Variants in ATP1B1 observed in about 807,000 individuals in gnomAD.
ATP1B1 encodes the protein sodium/potassium-transporting ATPase subunit beta-1.
ATP1B1 carries 3 observed loss-of-function variants against 39.6 expected under a neutral mutation model. That is an observed-to-expected ratio of 0.08 (90% CI 0.03 to 0.20). The LOEUF (loss-of-function observed/expected upper bound fraction) is 0.20, where lower values mean the gene tolerates loss of function less well. Ranked by LOEUF, ATP1B1 falls within the 10% of genes least tolerant of loss-of-function variation. The pLI is 1.00. For synonymous variants in ATP1B1, 139 were observed against 135.0 expected (o/e 1.03, Z -0.20); for missense variants, 216 against 371.1 (o/e 0.58, Z 3.43).
chr1:169,130,629 A>G (rs1241556371), intron 5 of ATP1B1, among the ~76,000 whole-genome samples: 2 of 151,994 alleles, frequency 1.3e-5, no homozygotes, highest in African/African-American at 2.4e-5. Flanking sequence ...TCTACTACAC[A>G]TACAAAAATT....
intron 2 of ATP1B1, among the ~76,000 whole-genome samples, chr1:169,114,685 G>A (rs927145405): frequency 1.3e-5 from 2 of 152,186 alleles, no homozygotes; most frequent in African/African-American, 4.8e-5. Context: ...ACAGCTTCTT[G>A]GCCCTGAACA....
chr1:169,107,087 A>G (rs1045006243), intron 1 of ATP1B1, among the ~76,000 whole-genome samples, 161 bp downstream of exon 1: 14 of 152,268 alleles, frequency 9.2e-5, no homozygotes, highest in African/African-American at 3.4e-4. Flanking sequence ...CTGGGCTTGC[A>G]GTCCTGTGCG....
intron 3 of ATP1B1, among the ~76,000 whole-genome samples, 165 bp downstream of exon 3, chr1:169,125,204 A>G (rs1658061702): frequency 1.3e-5 from 2 of 152,346 alleles, no homozygotes; most frequent in Middle Eastern, 6.8e-3. Context: ...GGAAGACACA[A>G]TGAAAAACAG....
rs1557946029 is a variant in ATP1B1, at chr1:169,108,511, CAG to C, written c.97+1586_97+1587del. Among the ~76,000 whole-genome samples the C allele has an allele frequency of 1.1e-4, 17 of 152,292 alleles. No individual in the cohort carries two copies. The South Asian group carries it at 3.3e-3, about 30-fold the overall frequency. On this transcript the variant is annotated intron_variant, in intron 1 of 5. Transcript: ENST00000367815. Reference sequence around the variant, plus strand: ...CTGGTGGTCTGACCCTGCTGCGTCACAGGGGCAGGGGCTGCATTGACTCTAGG... The same window carrying C: ...CTGGTGGTCTGACCCTGCTGCGTCACGGGCAGGGGCTGCATTGACTCTAGG...
intron 2 of ATP1B1, among the ~76,000 whole-genome samples, chr1:169,121,200 T>C (rs1288270954): frequency 1.3e-5 from 2 of 152,106 alleles, no homozygotes; most frequent in Non-Finnish European, 2.9e-5. Context: ...ACCCAACTCA[T>C]CCTCCCAAAG....
At chr1:169,128,792 A>G (rs2101793400) in intron 4 of ATP1B1, among the ~76,000 whole-genome samples, 1 of 152,358 alleles carries the variant, frequency 6.6e-6, no homozygotes, top group South Asian at 2.1e-4. Context: ...TGGACCCCAC[A>G]GAGGCAGTCT....
intron 2 of ATP1B1, among the ~76,000 whole-genome samples, chr1:169,122,369 G>A (rs927744671): frequency 3.9e-5 from 6 of 152,076 alleles, no homozygotes; most frequent in Non-Finnish European, 5.9e-5. Flanking sequence ...CTCCCTACCC[G>A]ACTTCCCCAT....
chr1:169,121,601 G>A (rs1201117616), intron 2 of ATP1B1, among the ~76,000 whole-genome samples: 2 of 152,162 alleles, frequency 1.3e-5, no homozygotes, highest in East Asian at 3.8e-4. Context: ...GGAACCTTGA[G>A]CAGCCACTGG....
chr1:169,132,103 C>CT lies in ATP1B1; in HGVS notation c.*552dup, dbSNP rs1481879725. 12 of 385,614 alleles carry CT rather than the reference C, an allele frequency of 3.1e-5. No homozygotes were observed. In the Admixed American group the frequency reaches 3.9e-4, roughly 12 times the overall value. The allele number at this position is 385,614 out of a possible 1,614,324, so 23.9% of individuals were successfully genotyped here. A position where few individuals can be genotyped will look rare whatever the true frequency, so the allele number is the denominator to read the frequency against. On this transcript the variant is annotated 3_prime_UTR_variant, in exon 6 of 6. Transcript: ENST00000367815. ...GAGCATTTTTAACATACTCCATAGT[C>CT]TTTTCCTGTGGTGTTAGGTCTTTAT...
Position 169,110,530 on chromosome 1 carries a change from A to G in ATP1B1, c.98-840A>G, listed in dbSNP as rs1031925888. ...GGGAGATAATCCTTGTAAACCAGTAACTGATAGCCACCCTCATTCCCATCT... is the reference window on the plus strand; with the variant it reads ...GGGAGATAATCCTTGTAAACCAGTAGCTGATAGCCACCCTCATTCCCATCT... On this transcript the variant is annotated intron_variant, in intron 1 of 5. Coordinates refer to ENST00000367815, the MANE Select transcript of ATP1B1 (RefSeq NM_001677.4). 3.9e-6 allele frequency: 3 copies of G among 761,768 alleles called. No homozygotes were observed. The African/African-American group carries it at 5.7e-5, about 14-fold the overall frequency. The allele number at this position is 761,768 out of a possible 1,614,324, so 47.2% of individuals were successfully genotyped here.
chr1:169,114,415 T>C (rs971494760), intron 2 of ATP1B1, among the ~76,000 whole-genome samples: 6 of 152,216 alleles, frequency 3.9e-5, no homozygotes, highest in Non-Finnish European at 8.8e-5. Context: ...AATAATATTA[T>C]CAGCTGAATT....
intron 2 of ATP1B1, among the ~76,000 whole-genome samples, chr1:169,117,168 G>A (rs986567653): frequency 6.6e-6 from 1 of 152,162 alleles, no homozygotes; most frequent in Admixed American, 6.5e-5. Flanking sequence ...CGATGTATCT[G>A]TATACACCCA....
intron 2 of ATP1B1, among the ~76,000 whole-genome samples, chr1:169,124,063 A>G (rs1571225788): frequency 6.6e-6 from 1 of 152,376 alleles, no homozygotes; most frequent in East Asian, 1.9e-4. Flanking sequence ...CAGTCCTACA[A>G]TAAAATGCAG....
At chr1:169,116,207 G>A (rs929591211) in intron 2 of ATP1B1, among the ~76,000 whole-genome samples, 1 of 152,186 alleles carries the variant, frequency 6.6e-6, no homozygotes, top group African/African-American at 2.4e-5. Flanking sequence ...CTTCACATCC[G>A]CCATTGCCCT....
At chr1:169,114,994 C>CT (rs1328409529) in intron 2 of ATP1B1, among the ~76,000 whole-genome samples, 1 of 151,908 alleles carries the variant, frequency 6.6e-6, no homozygotes, top group Non-Finnish European at 1.5e-5. Context: ...ACCATTCTGG[C>CT]TAACACAGTG....
rs146796361 is a variant in ATP1B1, at chr1:169,127,962, G to T, written c.567+554G>T. On this transcript the variant is annotated intron_variant, in intron 4 of 5. Transcript: ENST00000367815. The stretch of plus-strand genomic sequence containing the variant: ...TTTAACATCATCTAGGCTGAATTTT[G>T]CTAGCCATGCTGTTGGCTTTTTGTA... 4.9e-3 allele frequency among the ~76,000 whole-genome samples: 741 copies of T among 152,188 alleles called. 10 individuals are homozygous for T. The highest frequency in any genetic ancestry group is 0.017 in the African/African-American group (691 of 41,516).
chr1:169,116,108 TAC>T (rs971955300), intron 2 of ATP1B1, among the ~76,000 whole-genome samples: 2 of 152,232 alleles, frequency 1.3e-5, no homozygotes, highest in African/African-American at 4.8e-5. Flanking sequence ...CTCATGGATA[TAC>T]ACACACACTC....
intron 2 of ATP1B1, 25 bp from the exon 3 acceptor site, chr1:169,124,856 CTAA>C: frequency 1.5e-5 from 24 of 1,604,356 alleles, no homozygotes; most frequent in Non-Finnish European, 2.0e-5. Flanking sequence ...TGCCTTCCTA[CTAA>C]TGTTTTTCTC....
intron 2 of ATP1B1, among the ~76,000 whole-genome samples, chr1:169,121,935 G>A (rs957220843): frequency 6.6e-6 from 1 of 152,084 alleles, no homozygotes; most frequent in African/African-American, 2.4e-5. Context: ...GACCTTCCCT[G>A]AAGGTCAGAT....
Sources: gnomAD v4.1 joint callset for allele counts (sites outside exome capture counted in the v4.1 genomes callset) on GRCh38, gnomAD v4.1.1 for gene constraint, MANE v1.5 for transcripts, NCBI Gene and HGNC (gene_info 2026-07-23, HGNC 2026-07-21) for gene names.